DIP2A: variants seen among roughly 807,000 people sequenced by gnomAD.
The protein encoded by DIP2A is disco-interacting protein 2 homolog A.
DIP2A carries 85 observed loss-of-function variants against 177.4 expected under a neutral mutation model. The ratio of observed to expected loss-of-function variants is 0.48; its 90% CI spans 0.40 to 0.57. The LOEUF is 0.57. Ranked by LOEUF, DIP2A falls within the 20% of genes least tolerant of loss-of-function variation. The pLI, the probability that DIP2A is intolerant of heterozygous loss-of-function variation, is 0.00. For synonymous variants in DIP2A, 886 were observed against 881.8 expected (o/e 1.00, Z -0.08); for missense variants, 1,791 against 2,100.2 (o/e 0.85, Z 2.88).
chr21:46,496,932 G>T, intron 3 of DIP2A, 56 bp from the exon 4 acceptor site: 1 of 1,496,176 alleles, frequency 6.7e-7, no homozygotes, highest in Non-Finnish European at 8.9e-7. Context: ...AACTTAATTT[G>T]TTACTTTATA....
At chr21:46,580,390 G>A in the DIP2A span, among the ~76,000 whole-genome samples, 1 of 152,214 alleles carries the variant, frequency 6.6e-6, no homozygotes, top group South Asian at 2.1e-4. Flanking sequence ...GGTCTTAACT[G>A]TTTATCCAGC....
At chr21:46,482,152 C>G (rs1382789237) in intron 1 of DIP2A, among the ~76,000 whole-genome samples, 1 of 152,162 alleles carries the variant, frequency 6.6e-6, no homozygotes, top group Non-Finnish European at 1.5e-5. Flanking sequence ...TGAGAAAATA[C>G]CAAAGACACA....
At chr21:46,546,676 G>A (rs1200203986) in intron 20 of DIP2A, among the ~76,000 whole-genome samples, 1 of 151,862 alleles carries the variant, frequency 6.6e-6, no homozygotes, top group African/African-American at 2.4e-5. Context: ...TTCCCATGTT[G>A]CCTCCCTTCC....
intron 28 of DIP2A, 54 bp downstream of exon 28, chr21:46,554,987 G>A (rs1672828369): frequency 6.6e-7 from 1 of 1,512,282 alleles, no homozygotes. Context: ...TTTGTTGTAG[G>A]TGTGGTGTGG....
intron 9 of DIP2A, among the ~76,000 whole-genome samples, chr21:46,529,994 T>G (rs2059288431): frequency 6.6e-6 from 1 of 152,224 alleles, no homozygotes; most frequent in South Asian, 2.1e-4. Context: ...AATAAAAAAT[T>G]TAGTTTCTTG....
chr21:46,571,941 G>A (rs2060971919), downstream of DIP2A, among the ~76,000 whole-genome samples: 2 of 152,134 alleles, frequency 1.3e-5, no homozygotes, highest in South Asian at 4.1e-4. Flanking sequence ...ACTATGTTGA[G>A]TAGGAGTGGT....
intron 1 of DIP2A, among the ~76,000 whole-genome samples, chr21:46,466,945 T>C (rs2148278758): frequency 6.6e-6 from 1 of 152,320 alleles, no homozygotes; most frequent in South Asian, 2.1e-4. Flanking sequence ...AGAAATCTTT[T>C]ATTTTTAGTA....
At chr21:46,531,112 G>T (rs2059337657) in intron 9 of DIP2A, among the ~76,000 whole-genome samples, 1 of 152,046 alleles carries the variant, frequency 6.6e-6, no homozygotes, top group Non-Finnish European at 1.5e-5. Context: ...CACAGTGGAG[G>T]CCCCAGGACG....
chr21:46,566,467 C>T lies in DIP2A; in HGVS notation c.4340-93C>T, dbSNP rs1303448508. On this transcript the variant is annotated intron_variant, in intron 36 of 37. Coordinates refer to ENST00000417564, the MANE Select transcript of DIP2A (RefSeq NM_015151.4). The stretch of plus-strand genomic sequence containing the variant: ...ATGTTTCAGTTGAGACCTCCCTGTG[C>T]CTGAGAGCCCCTGGTTGGGCTCAGA... 1.3e-5 allele frequency: 20 copies of T among 1,549,418 alleles called. No homozygotes were observed. In the Admixed American group the frequency reaches 1.6e-4, roughly 13 times the overall value.
At chr21:46,581,868 C>G in the DIP2A span, among the ~76,000 whole-genome samples, 1 of 152,144 alleles carries the variant, frequency 6.6e-6, no homozygotes, top group African/African-American at 2.4e-5. Flanking sequence ...TGGGAACGCT[C>G]CCGTATAAGA....
At position 46,558,329 on chromosome 21, in the gene DIP2A, G is replaced by GC. The variant is rs2060542061; in HGVS notation, c.3907dup (p.Leu1303ProfsTer41). On this transcript the variant is annotated frameshift_variant, in exon 32 of 38. Coordinates refer to ENST00000417564, the MANE Select transcript of DIP2A (RefSeq NM_015151.4). LOFTEE classifies it high-confidence loss of function. ...TTCTCCAAGCTCTTCAAGGACCTGG[G>GC]CCTGCCGGCCCGCGCCGTAAGCACC... 1 of 1,589,740 alleles carries GC rather than the reference G, an allele frequency of 6.3e-7. No homozygotes were observed. The highest frequency in any genetic ancestry group is 1.8e-5 in the Admixed American group (1 of 55,954).
chr21:46,505,257 A>T (rs1189612733), intron 6 of DIP2A, among the ~76,000 whole-genome samples: 2 of 152,260 alleles, frequency 1.3e-5, no homozygotes, highest in South Asian at 2.1e-4. Flanking sequence ...CTTTATATTT[A>T]AAAAAATTAA....
rs1189059997 is a variant in DIP2A at position 46,490,643 on chromosome 21, C to T, written c.207C>T (p.Pro69=). The T allele has an allele frequency of 6.3e-7, 1 of 1,586,654 alleles. No homozygotes were observed. ...AAGCAGAGAATAGAATTCCTGGGCC[C>T]TCACAAACCACGGCCGCTGCACCCA... ...SLQAENRIPG[P]SQTTAAAPKQ... Residue 69 remains proline (P), a synonymous_variant, in exon 3 of 38, where the codon CCC becomes CCT. Coordinates refer to ENST00000417564, the MANE Select transcript of DIP2A (RefSeq NM_015151.4).
intron 3 of DIP2A, among the ~76,000 whole-genome samples, chr21:46,496,432 C>T (rs945431343): frequency 6.6e-6 from 1 of 152,328 alleles, no homozygotes; most frequent in South Asian, 2.1e-4. Context: ...ACCAGTCTAA[C>T]TTCAGTGTTT....
chr21:46,460,984 G>A (rs1244061377), intron 1 of DIP2A, among the ~76,000 whole-genome samples: 3 of 150,852 alleles, frequency 2.0e-5, no homozygotes, highest in African/African-American at 2.4e-5. Context: ...ATGAGCCACC[G>A]TGCCTGGCTT....
At chr21:46,461,222 C>T (rs1448390601) in intron 1 of DIP2A, among the ~76,000 whole-genome samples, 2 of 137,812 alleles carry the variant, frequency 1.5e-5, no homozygotes, top group African/African-American at 5.6e-5. Context: ...CACCTGAGCA[C>T]TGGAGCACTC....
In DIP2A at chr21:46,550,686, G is replaced by A; in HGVS notation, c.2781G>A (p.Val927=). The change falls in exon 23 of 38, where the codon GTG becomes GTA. Residue 927 remains valine, a synonymous_variant. Coordinates refer to ENST00000417564, the MANE Select transcript of DIP2A (RefSeq NM_015151.4). ...FLEGTLHPCN[V]LMCPHTCVTN... Reference sequence around the variant, plus strand: ...AAGGGACGCTGCACCCGTGTAATGTGCTGATGTGCCCTCACACCTGTGTTA... The same window carrying A: ...AAGGGACGCTGCACCCGTGTAATGTACTGATGTGCCCTCACACCTGTGTTA... 3 of 1,614,030 alleles carry A rather than the reference G, an allele frequency of 1.9e-6. No homozygotes were observed. The highest frequency in any genetic ancestry group is 1.1e-5 in the South Asian group (1 of 91,074).
chr21:46,509,239 C>T lies in DIP2A; in HGVS notation c.785-18C>T, dbSNP rs772836933. 1 of 1,607,336 alleles carries T rather than the reference C, an allele frequency of 6.2e-7. No individual in the cohort carries two copies. Among genetic ancestry groups the T allele is most frequent in the South Asian group, 1.1e-5 (1 of 89,982 alleles). On this transcript the variant is annotated intron_variant, in intron 6 of 37. Transcript: ENST00000417564. The stretch of plus-strand genomic sequence containing the variant: ...GATGTGTCCTGGCCTCAGTGCTCCT[C>T]TGTCCTTCCCGTGACAGGTGTCCCT...
Position 46,532,296 on chromosome 21 carries a change from A to G in DIP2A, c.1305+59A>G, listed in dbSNP as rs568472727. 8 of 1,400,096 alleles carry G rather than the reference A, an allele frequency of 5.7e-6. No individual in the cohort carries two copies. In the African/African-American group the frequency reaches 9.9e-5, roughly 17 times the overall value. The allele number at this position is 1,400,096 out of a possible 1,614,324, so 86.7% of individuals were successfully genotyped here. ...CGCTTCTGAACTTGATACCAGCAGTATCTTACTTCCTTTTCACTCATGTGG... is the reference window on the plus strand; with the variant it reads ...CGCTTCTGAACTTGATACCAGCAGTGTCTTACTTCCTTTTCACTCATGTGG... On this transcript the variant is annotated intron_variant, in intron 10 of 37. Transcript: ENST00000417564.
Sources: allele counts gnomAD v4.1 joint callset (sites outside exome capture counted in the v4.1 genomes callset), GRCh38; gene constraint gnomAD v4.1.1; transcripts MANE v1.5; gene names NCBI Gene and HGNC (gene_info 2026-07-23, HGNC 2026-07-21).